The following YTHDF2 variants were observed in gnomAD, a reference collection of about 807,000 sequenced individuals.
The protein encoded by YTHDF2 is YTH domain-containing family protein 2.
In YTHDF2, 2 loss-of-function variants were observed where a neutral mutation model predicts 50.4. That is an observed-to-expected ratio of 0.04 (90% confidence interval 0.02 to 0.12). YTHDF2 has a LOEUF of 0.12. Ranked by LOEUF, YTHDF2 falls within the 10% of genes least tolerant of loss-of-function variation. YTHDF2 has a pLI of 1.00. For missense variants in YTHDF2, 483 were observed against 722.6 expected (o/e 0.67, Z 3.80); for synonymous variants, 217 against 255.6 (o/e 0.85, Z 1.44).
chr1:28,742,720 T>C lies in YTHDF2; in HGVS notation c.450T>C (p.Ser150=), dbSNP rs1255109690. Residue 150 remains serine (S), a synonymous_variant, in exon 4 of 5, where the codon AGT becomes AGC. Coordinates refer to ENST00000373812, the MANE Select transcript of YTHDF2 (RefSeq NM_016258.3). ...AGTCTACTCAGAGCTCTGGATATAG[T>C]AGCAATTATGCTTATGCACCTAGCT... is the stretch of plus-strand genomic sequence containing the variant. ...QGQSTQSSGY[S]SNYAYAPSSL... is the part of the protein sequence containing the mutation. 6.2e-7 allele frequency: 1 copy of C among 1,614,172 alleles called. No individual in the cohort carries two copies. The highest frequency in any genetic ancestry group is 8.5e-7 in the Non-Finnish European group (1 of 1,180,026).
At chr1:28,742,380 T>A (rs2087790265) in intron 3 of YTHDF2, 23 bp from the exon 4 acceptor site, 3 of 1,524,774 alleles carry the variant, frequency 2.0e-6, no homozygotes, top group Non-Finnish European at 2.6e-6. Context: ...GTGTTTTGAT[T>A]TGCCTTTTTT....
intron 4 of YTHDF2, among the ~76,000 whole-genome samples, chr1:28,746,783 T>A (rs1298711029): frequency 6.6e-6 from 1 of 151,064 alleles, no homozygotes; most frequent in Admixed American, 6.6e-5. Flanking sequence ...CAAATTTAGG[T>A]TTTGTTAATT....
rs774256556 is a variant in YTHDF2 at position 28,738,296 on chromosome 1, CGAT to C, written c.97_99del (p.Asp33del). 5 of 1,614,050 alleles carry C rather than the reference CGAT, an allele frequency of 3.1e-6. No individual in the cohort carries two copies. Among genetic ancestry groups the C allele is most frequent in the South Asian group, 2.2e-5 (2 of 91,076 alleles). ...CTGTACATCAAAAGGATGGATTAAA[CGAT>C]GATGATTTTGAACCTTACTTGAGTC... On this transcript the variant is annotated inframe_deletion, in exon 3 of 5. Coordinates refer to ENST00000373812, the MANE Select transcript of YTHDF2 (RefSeq NM_016258.3).
At chr1:28,747,370 G>A (rs899935539) in intron 4 of YTHDF2, among the ~76,000 whole-genome samples, 1 of 151,690 alleles carries the variant, frequency 6.6e-6, no homozygotes, top group African/African-American at 2.4e-5. Context: ...AGGAGTTCGA[G>A]ACCAGCCTGG....
In YTHDF2 at chr1:28,742,921, T is replaced by C; in HGVS notation, c.651T>C (p.Thr217=). The C allele has an allele frequency of 1.2e-6, 2 of 1,614,180 alleles. No individual in the cohort carries two copies. Among genetic ancestry groups the C allele is most frequent in the Non-Finnish European group, 1.7e-6 (2 of 1,180,040 alleles). ...VGSAVGSGSI[T]SNIVASNSLP... ...CTGCTGTTGGTAGCGGGTCCATTAC[T>C]AGTAACATCGTGGCTTCCAATAGTT... is the stretch of plus-strand genomic sequence containing the variant. The change falls in exon 4 of 5, where the codon ACT becomes ACC. Residue 217 remains threonine (T), a synonymous_variant. Coordinates refer to ENST00000373812, the MANE Select transcript of YTHDF2 (RefSeq NM_016258.3).
At position 28,737,678 on chromosome 1, in the gene YTHDF2, C is replaced by T. The variant is rs200983771; in HGVS notation, c.48C>T (p.Asn16=). The T allele has an allele frequency of 6.2e-7, 1 of 1,608,768 alleles. No homozygotes were observed. The change falls in exon 2 of 5, where the codon AAC becomes AAT. Residue 16 remains asparagine, a synonymous_variant. Transcript: ENST00000373812. ...LLEQRPKGQG[N]KVQNGSVHQK... Reference sequence around the variant, plus strand: ...TGCAGAGACCAAAAGGTCAAGGAAACAAAGGTAAGTCCCGCTCCGCCGGTG... The same window carrying T: ...TGCAGAGACCAAAAGGTCAAGGAAATAAAGGTAAGTCCCGCTCCGCCGGTG...
chr1:28,763,426 A>G (rs1441199327), intron 4 of YTHDF2, among the ~76,000 whole-genome samples: 2 of 151,894 alleles, frequency 1.3e-5, no homozygotes, highest in African/African-American at 4.8e-5. Context: ...GGTGCCTGAC[A>G]CCAGGGCTGG....
chr1:28,741,498 C>T (rs1325335985), intron 3 of YTHDF2, among the ~76,000 whole-genome samples: 1 of 152,118 alleles, frequency 6.6e-6, no homozygotes, highest in East Asian at 1.9e-4. Context: ...TGGGTTTTAT[C>T]ATGTTGGCCA....
intron 1 of YTHDF2, 148 bp downstream of exon 1, chr1:28,737,295 C>T: frequency 8.6e-6 from 9 of 1,045,178 alleles, no homozygotes; most frequent in South Asian, 3.5e-5. Flanking sequence ...CCGGCCGCGC[C>T]CGGCGCCTCT....
intron 4 of YTHDF2, among the ~76,000 whole-genome samples, chr1:28,744,318 T>C (rs2087826859): frequency 6.6e-6 from 1 of 152,146 alleles, no homozygotes; most frequent in Non-Finnish European, 1.5e-5. Context: ...ACCATAGAAA[T>C]TAAAGCAGAA....
chr1:28,760,916 T>A (rs2088113875), intron 4 of YTHDF2, among the ~76,000 whole-genome samples: 1 of 152,138 alleles, frequency 6.6e-6, no homozygotes, highest in African/African-American at 2.4e-5. Context: ...ATACATAATT[T>A]TACGTGCTAT....
In YTHDF2 at chr1:28,742,788, A is replaced by G. The variant is rs774054308; in HGVS notation, c.518A>G (p.Asn173Ser). Reference protein sequence around the residue: ...AMIDGQSAFANETLNKAPGMN... With the variant: ...AMIDGQSAFASETLNKAPGMN... ...ATTGATGGACAGTCAGCTTTTGCCA[A>G]TGAGACCCTCAATAAGGCTCCTGGC... is the stretch of plus-strand genomic sequence containing the variant. Residue 173 changes from asparagine to serine, a missense_variant, in exon 4 of 5, where the codon AAT becomes AGT. Coordinates refer to ENST00000373812, the MANE Select transcript of YTHDF2 (RefSeq NM_016258.3). 116 of 1,614,186 alleles carry G rather than the reference A, an allele frequency of 7.2e-5. 2 individuals are homozygous for G. The East Asian group carries it at 1.3e-3, about 19-fold the overall frequency.
intron 4 of YTHDF2, among the ~76,000 whole-genome samples, chr1:28,763,779 G>A (rs1194378465): frequency 6.8e-6 from 1 of 147,640 alleles, no homozygotes; most frequent in East Asian, 2.0e-4. Context: ...TTGGGATTAT[G>A]GGCGTGAGCC....
At chr1:28,765,527 G>A (rs1015833315) in intron 4 of YTHDF2, among the ~76,000 whole-genome samples, 4 of 152,116 alleles carry the variant, frequency 2.6e-5, no homozygotes, top group Admixed American at 6.5e-5. Context: ...CTGGGTTCAA[G>A]CTGTCCTCCC....
At chr1:28,738,360 T>TA in intron 3 of YTHDF2, 22 bp downstream of exon 3, 1 of 1,572,888 alleles carries the variant, frequency 6.4e-7, no homozygotes. Flanking sequence ...ACTATTTACA[T>TA]ATCTAATCGA....
At chr1:28,757,660 C>A (rs2088053841) in intron 4 of YTHDF2, among the ~76,000 whole-genome samples, 1 of 152,126 alleles carries the variant, frequency 6.6e-6, no homozygotes, top group South Asian at 2.1e-4. Flanking sequence ...TTGCAATGTG[C>A]AAACTATAAA....
intron 4 of YTHDF2, among the ~76,000 whole-genome samples, chr1:28,751,704 C>T (rs2087955168): frequency 6.6e-6 from 1 of 152,098 alleles, no homozygotes; most frequent in African/African-American, 2.4e-5. Context: ...GTGTTAATTG[C>T]TGGGATGGAA....
At chr1:28,737,530 A>G (rs1184196864) in intron 1 of YTHDF2, 128 bp from the exon 2 acceptor site, 1 of 1,288,618 alleles carries the variant, frequency 7.8e-7, no homozygotes, top group East Asian at 2.5e-5. Flanking sequence ...CTTCCTCACT[A>G]CCATTCCTGA....
intron 4 of YTHDF2, among the ~76,000 whole-genome samples, chr1:28,760,387 C>G (rs1037568942): frequency 1.3e-5 from 2 of 151,844 alleles, no homozygotes; most frequent in African/African-American, 4.8e-5. Flanking sequence ...CTCCACGTCC[C>G]AGGTTCACAC....
Sources: allele counts gnomAD v4.1 joint callset (sites outside exome capture counted in the v4.1 genomes callset), GRCh38; gene constraint gnomAD v4.1.1; transcripts MANE v1.5; gene names NCBI Gene and HGNC (gene_info 2026-07-23, HGNC 2026-07-21).